Variants in EIF3B observed in about 807,000 individuals in gnomAD.
EIF3B encodes the protein eukaryotic translation initiation factor 3 subunit B.
EIF3B carries 10 observed loss-of-function variants against 104.6 expected under a neutral mutation model. The observed-to-expected ratio is 0.10, with a 90% CI of 0.06 to 0.16. The LOEUF is 0.16. Among genes scored for constraint, EIF3B ranks in the 10% least tolerant of loss-of-function variants. EIF3B has a pLI of 1.00. For missense variants in EIF3B, 1,014 were observed against 1,087.9 expected, an observed-to-expected ratio of 0.93 and a Z score of 0.96; for synonymous variants, 542 against 417.2, an observed-to-expected ratio of 1.30 and a Z score of -3.65.
rs1229381301 is a variant in EIF3B at position 2,355,202 on chromosome 7, G to C, written c.281G>C (p.Gly94Ala). ...CCGCCGGCCGCCGAGGAGCTGCCCG[G>C]GTCGCATGCTGAGCCCCCTGTCCCG... ...PSPPAAEELP[G>A]SHAEPPVPAQ... is the part of the protein sequence containing the mutation. Residue 94 changes from glycine (G) to alanine (A), a missense_variant, in exon 1 of 19, where the codon GGG becomes GCG. By Grantham distance (60) the Gly-to-Ala change is moderately conservative. Transcript: ENST00000360876. 1 of 1,488,816 alleles carries C rather than the reference G, an allele frequency of 6.7e-7. No homozygotes were observed. Among genetic ancestry groups the C allele is most frequent in the Non-Finnish European group, 8.9e-7 (1 of 1,128,188 alleles). 92.2% of individuals were successfully genotyped at this position (1,488,816 alleles called of 1,614,324 possible). A position where few individuals can be genotyped will look rare whatever the true frequency, so the allele number is the denominator to read the frequency against.
rs1471092677 is a variant in EIF3B at position 2,360,846 on chromosome 7, C to T, written c.636C>T (p.Ser212=). ...KLKNVIHKIF[S]KFGKITNDFY... is the part of the protein sequence containing the mutation. Reference sequence around the variant, plus strand: ...AAAATGTCATCCACAAGATCTTTTCCAAGTTTGGGAAAATCACAAATGATT... The same window carrying T: ...AAAATGTCATCCACAAGATCTTTTCTAAGTTTGGGAAAATCACAAATGATT... The change falls in exon 2 of 19, where the codon TCC becomes TCT. Residue 212 remains serine, a synonymous_variant. Transcript: ENST00000360876. The T allele has an allele frequency of 6.2e-7, 1 of 1,613,784 alleles. No homozygotes were observed.
At chr7:2,370,141 TA>T (rs1228167869) in intron 10 of EIF3B, among the ~76,000 whole-genome samples, 2 of 152,200 alleles carry the variant, frequency 1.3e-5, no homozygotes, top group Non-Finnish European at 2.9e-5. Flanking sequence ...TTTATTTTTT[TA>T]TTTTTGGTGG....
At chr7:2,369,413 CT>C in intron 9 of EIF3B, 58 bp from the exon 10 acceptor site, 1 of 1,559,514 alleles carries the variant, frequency 6.4e-7, no homozygotes, top group Non-Finnish European at 8.8e-7. Flanking sequence ...TTCTCTTCTG[CT>C]TTTCAGTTTC....
intron 4 of EIF3B, among the ~76,000 whole-genome samples, chr7:2,363,364 G>A (rs544008702): frequency 6.6e-6 from 1 of 151,928 alleles, no homozygotes; most frequent in African/African-American, 2.4e-5. Context: ...GAGGCTGAGG[G>A]GGGAGGATCA....
intron 15 of EIF3B, chr7:2,377,812 TCC>T (rs1780737805): frequency 2.3e-5 from 2 of 85,886 alleles, no homozygotes; most frequent in African/African-American, 8.9e-5. Context: ...GCGCGAGCTC[TCC>T]TGGGAATCCG....
At chr7:2,357,849 C>T (rs1453964973) in intron 1 of EIF3B, among the ~76,000 whole-genome samples, 1 of 152,076 alleles carries the variant, frequency 6.6e-6, no homozygotes, top group Non-Finnish European at 1.5e-5. Context: ...GGAAGGAGTA[C>T]CCAATTTGTG....
At position 2,377,482 on chromosome 7, in the gene EIF3B, GCA is replaced by G. The variant is rs1346272033; in HGVS notation, c.2154+409_2154+410del. Among the ~76,000 whole-genome samples the G allele has an allele frequency of 4.1e-4, 57 of 138,300 alleles. 2 individuals carry two copies. The highest frequency in any genetic ancestry group is 1.7e-3 in the South Asian group (8 of 4,580). The allele number at this position is 138,300 out of a possible 152,430, so 90.7% of individuals were successfully genotyped here. Reference sequence around the variant, plus strand: ...AAGTGAAAGATGGAGGAAGGAGCAGGCACGAGCGCTCCTGGGATGCTGTGTTG... The same window carrying G: ...AAGTGAAAGATGGAGGAAGGAGCAGGCGAGCGCTCCTGGGATGCTGTGTTG... On this transcript the variant is annotated intron_variant, in intron 15 of 18. Transcript: ENST00000360876.
chr7:2,369,572 C>G lies in EIF3B; in HGVS notation c.1504C>G (p.Gln502Glu), dbSNP rs1484484426. The change falls in exon 10 of 19, where the codon CAA becomes GAA. Residue 502 changes from glutamine to glutamate, a missense_variant. Coordinates refer to ENST00000360876, the MANE Select transcript of EIF3B (RefSeq NM_001037283.2). ...AACCCTGATGCAGCTCCCTACCAGGCAAGAGATCCGAGTGAGGAACCTGTT... is the reference window on the plus strand; with the variant it reads ...AACCCTGATGCAGCTCCCTACCAGGGAAGAGATCCGAGTGAGGAACCTGTT... ...RVTLMQLPTR[Q>E]EIRVRNLFNV... 2 of 1,614,106 alleles carry G rather than the reference C, an allele frequency of 1.2e-6. No homozygotes were observed. Among genetic ancestry groups the G allele is most frequent in the Admixed American group, 1.7e-5 (1 of 60,004 alleles).
At chr7:2,367,116 AAAAC>A in intron 9 of EIF3B, 71 bp downstream of exon 9, 38 of 1,372,008 alleles carry the variant, frequency 2.8e-5, no homozygotes, top group Non-Finnish European at 3.5e-5. Flanking sequence ...AAAAAAAAAA[AAAAC>A]ACAATACCAT....
At chr7:2,366,881 G>T in intron 8 of EIF3B, 118 bp from the exon 9 acceptor site, 1 of 1,096,112 alleles carries the variant, frequency 9.1e-7, no homozygotes, top group African/African-American at 1.6e-5. Context: ...CGCTCTGTGT[G>T]CACTGCCCCC....
At chr7:2,369,410 C>G in intron 9 of EIF3B, 62 bp from the exon 10 acceptor site, 2 of 1,545,238 alleles carry the variant, frequency 1.3e-6, no homozygotes, top group South Asian at 1.1e-5. Flanking sequence ...CTATTCTCTT[C>G]TGCTTTTCAG....
intron 13 of EIF3B, 167 bp from the exon 14 acceptor site, chr7:2,375,222 T>C: frequency 1.4e-6 from 1 of 714,694 alleles, no homozygotes; most frequent in Non-Finnish European, 2.4e-6. Flanking sequence ...TCTGCATCTG[T>C]GATTTGGTAA....
At chr7:2,369,370 A>G (rs1780197136) in intron 9 of EIF3B, 102 bp from the exon 10 acceptor site, 1 of 1,251,732 alleles carries the variant, frequency 8.0e-7, no homozygotes, top group Non-Finnish European at 1.2e-6. Flanking sequence ...CTGTGACAGC[A>G]TTGAGCTTCT....
chr7:2,355,534 T>A, intron 1 of EIF3B, 114 bp downstream of exon 1: 3 of 1,346,712 alleles, frequency 2.2e-6, no homozygotes, highest in Non-Finnish European at 2.9e-6. Context: ...CCAGCGAGGG[T>A]GTCCGTGTGT....
At chr7:2,362,428 T>G (rs925777682) in intron 2 of EIF3B, among the ~76,000 whole-genome samples, 1 of 152,252 alleles carries the variant, frequency 6.6e-6, no homozygotes, top group African/African-American at 2.4e-5. Context: ...ATAATGAAAC[T>G]AGAGACTTCG....
intron 13 of EIF3B, chr7:2,375,004 C>T (rs1005399736): frequency 9.9e-6 from 3 of 304,528 alleles, no homozygotes; most frequent in Admixed American, 4.5e-5. Flanking sequence ...GTCACGGTGT[C>T]GGTCTCAGCT....
intron 8 of EIF3B, 119 bp downstream of exon 8, chr7:2,366,710 G>T (rs1780046246): frequency 8.4e-7 from 1 of 1,185,096 alleles, no homozygotes; most frequent in South Asian, 1.4e-5. Context: ...CATAGGAAAG[G>T]CCTGTCTCCT....
At chr7:2,374,435 G>T (rs1044297135) in intron 12 of EIF3B, 93 bp from the exon 13 acceptor site, 5 of 1,237,076 alleles carry the variant, frequency 4.0e-6, no homozygotes, top group Admixed American at 3.7e-5. Context: ...TGCCCTCATG[G>T]GCAGCATGAG....
intron 2 of EIF3B, among the ~76,000 whole-genome samples, chr7:2,361,715 G>A (rs901020311): frequency 2.6e-5 from 4 of 151,854 alleles, no homozygotes; most frequent in Admixed American, 1.3e-4. Flanking sequence ...CACCGCGCCC[G>A]GCCTCTCTGA....
Sources: gnomAD v4.1 joint callset for allele counts (sites outside exome capture counted in the v4.1 genomes callset) on GRCh38, gnomAD v4.1.1 for gene constraint, MANE v1.5 for transcripts, NCBI Gene and HGNC (gene_info 2026-07-23, HGNC 2026-07-21) for gene names.